The following ASTN1 variants were observed in gnomAD, a reference collection of about 807,000 sequenced individuals.
ASTN1 encodes the protein astrotactin 1.
ASTN1 carries 41 observed loss-of-function variants against 140.7 expected under a neutral mutation model. That is an observed-to-expected ratio of 0.29 (90% CI 0.23 to 0.38). The LOEUF is 0.38. Among genes scored for constraint, ASTN1 ranks in the 10% least tolerant of loss-of-function variants. The pLI is 1.00. For missense variants in ASTN1, 1,479 were observed against 1,678.8 expected, an observed-to-expected ratio of 0.88 and a Z score of 2.08; for synonymous variants, 640 against 652.2, an observed-to-expected ratio of 0.98 and a Z score of 0.29.
At chr1:176,884,310 G>C (rs1440150822) in intron 19 of ASTN1, 29 bp downstream of exon 19, 1 of 1,606,220 alleles carries the variant, frequency 6.2e-7, no homozygotes, top group African/African-American at 1.3e-5. Flanking sequence ...CTTGGATCAA[G>C]ACAAGCCCAT....
At chr1:176,894,962 T>TC in intron 16 of ASTN1, 132 bp from the exon 17 acceptor site, 1 of 1,282,372 alleles carries the variant, frequency 7.8e-7, no homozygotes, top group South Asian at 1.4e-5. Flanking sequence ...AGAATGTGAT[T>TC]CTGCCATCCC....
At chr1:177,065,890 A>T (rs1052688076) in intron 1 of ASTN1, among the ~76,000 whole-genome samples, 2 of 152,210 alleles carry the variant, frequency 1.3e-5, no homozygotes, top group African/African-American at 2.4e-5. Context: ...AGATCTTACT[A>T]TAACTCTAAT....
intron 14 of ASTN1, among the ~76,000 whole-genome samples, chr1:176,942,810 TTG>T (rs201860134): frequency 0.14 from 9,582 of 69,780 alleles, 1,057 homozygotes; most frequent in African/African-American, 0.18. Flanking sequence ...CCAATGTACT[TTG>T]TGTGTGTGTA....
At chr1:177,055,222 C>T (rs544224550) in intron 2 of ASTN1, among the ~76,000 whole-genome samples, 1 of 152,352 alleles carries the variant, frequency 6.6e-6, no homozygotes, top group South Asian at 2.1e-4. Context: ...TCTGCTACAT[C>T]TCAGCTCTCA....
chr1:177,136,238 T>G lies in ASTN1; in HGVS notation c.283+28156A>C, dbSNP rs115947934. Among the ~76,000 whole-genome samples the G allele has an allele frequency of 3.3e-3, 504 of 152,378 alleles. 3 individuals are homozygous for G. Among genetic ancestry groups the G allele is most frequent in the African/African-American group, 0.012 (481 of 41,598 alleles). On this transcript the variant is annotated intron_variant, in intron 1 of 22. Coordinates refer to ENST00000361833, the MANE Select transcript of ASTN1 (RefSeq NM_004319.3). ...GTGAACATATCCCAGCTGGATTGCC[T>G]TAGGGTCTTCAGTCTTACTGCATTT...
intron 2 of ASTN1, among the ~76,000 whole-genome samples, chr1:177,040,513 A>T (rs939438580): frequency 6.6e-6 from 1 of 152,164 alleles, no homozygotes; most frequent in Non-Finnish European, 1.5e-5. Context: ...ACTCTGTCTC[A>T]ATAAAATGCC....
intron 1 of ASTN1, among the ~76,000 whole-genome samples, chr1:177,085,536 A>C (rs1336699525): frequency 6.6e-6 from 1 of 152,168 alleles, no homozygotes; most frequent in East Asian, 1.9e-4. Flanking sequence ...GCTAGGTAGC[A>C]TGAGTTTAAA....
chr1:177,129,239 G>C (rs576070329), intron 1 of ASTN1, among the ~76,000 whole-genome samples: 1 of 152,306 alleles, frequency 6.6e-6, no homozygotes, highest in South Asian at 2.1e-4. Context: ...TATAATCACT[G>C]CGTTCATAGA....
chr1:177,053,587 T>G (rs1435909106), intron 2 of ASTN1, among the ~76,000 whole-genome samples: 1 of 152,192 alleles, frequency 6.6e-6, no homozygotes, highest in Non-Finnish European at 1.5e-5. Context: ...CTGAAAACAG[T>G]GTTAAATAAT....
chr1:177,027,064 C>T (rs147835421), intron 5 of ASTN1, among the ~76,000 whole-genome samples: 4 of 152,324 alleles, frequency 2.6e-5, no homozygotes, highest in Admixed American at 6.5e-5. Flanking sequence ...AAACATTTTA[C>T]TGCTCCCTGA....
intron 1 of ASTN1, among the ~76,000 whole-genome samples, chr1:177,108,692 G>A (rs2102148813): frequency 6.6e-6 from 1 of 152,266 alleles, no homozygotes; most frequent in South Asian, 2.1e-4. Flanking sequence ...ATTGAGATAA[G>A]AAAAACTGAA....
chr1:176,992,395 T>C (rs1441870461), intron 8 of ASTN1, among the ~76,000 whole-genome samples: 1 of 151,878 alleles, frequency 6.6e-6, no homozygotes, highest in African/African-American at 2.4e-5. Flanking sequence ...CCTTCTGGGT[T>C]GGATCCTGCC....
At chr1:177,052,024 C>T (rs1677565661) in intron 2 of ASTN1, among the ~76,000 whole-genome samples, 1 of 152,128 alleles carries the variant, frequency 6.6e-6, no homozygotes, top group African/African-American at 2.4e-5. Flanking sequence ...GATCAGACCT[C>T]AATTATCATC....
chr1:177,057,228 C>CAA (rs34029387), intron 2 of ASTN1, among the ~76,000 whole-genome samples: 24,008 of 151,992 alleles, frequency 0.16, 2,283 homozygotes, highest in African/African-American at 0.27. Flanking sequence ...AAAGGTTTTT[C>CAA]AGTTTTAAAT....
At chr1:177,113,173 CG>C (rs1236745648) in intron 1 of ASTN1, among the ~76,000 whole-genome samples, 2 of 152,086 alleles carry the variant, frequency 1.3e-5, no homozygotes, top group East Asian at 3.9e-4. Context: ...CAGGGAGGCA[CG>C]GGGGCAGTCA....
intron 1 of ASTN1, among the ~76,000 whole-genome samples, chr1:177,135,699 C>T (rs1682163529): frequency 6.6e-6 from 1 of 152,186 alleles, no homozygotes; most frequent in Non-Finnish European, 1.5e-5. Flanking sequence ...CTAGAGTCTC[C>T]AGGCCTCAGT....
At chr1:176,964,647 G>A (rs1466414785) in intron 9 of ASTN1, among the ~76,000 whole-genome samples, 1 of 152,134 alleles carries the variant, frequency 6.6e-6, no homozygotes, top group African/African-American at 2.4e-5. Context: ...AAAGTAGTAG[G>A]TAAAAGAAAA....
chr1:176,884,220 C>T (rs182032099), intron 19 of ASTN1, 119 bp downstream of exon 19: 143 of 1,166,260 alleles, frequency 1.2e-4, no homozygotes, highest in Non-Finnish European at 1.6e-4. Context: ...CTCCCTGCTC[C>T]TCCTGCATTG....
At chr1:176,866,224 T>G (rs1358019773) in intron 22 of ASTN1, among the ~76,000 whole-genome samples, 8 of 152,182 alleles carry the variant, frequency 5.3e-5, no homozygotes, top group Non-Finnish European at 7.3e-5. Context: ...AGATTGCCAC[T>G]GGAGGAAGGA....
Sources: allele counts gnomAD v4.1 joint callset (sites outside exome capture counted in the v4.1 genomes callset), GRCh38; gene constraint gnomAD v4.1.1; transcripts MANE v1.5; gene names NCBI Gene and HGNC (gene_info 2026-07-23, HGNC 2026-07-21).